The following TOPBP1 variants were observed in gnomAD, a reference collection of about 807,000 sequenced individuals.
The protein encoded by TOPBP1 is DNA topoisomerase 2-binding protein 1.
TOPBP1 carries 28 observed loss-of-function variants against 167.7 expected under a neutral mutation model. The observed-to-expected ratio is 0.17, with a 90% CI of 0.12 to 0.23. The LOEUF is 0.23. Among genes scored for constraint, TOPBP1 ranks in the 10% least tolerant of loss-of-function variants. TOPBP1 has a pLI of 1.00. For missense variants in TOPBP1, 1,554 were observed against 1,809.6 expected (o/e 0.86, Z 2.56); for synonymous variants, 598 against 611.4 (o/e 0.98, Z 0.32).
Position 133,605,938 on chromosome 3 carries a change from G to A in TOPBP1, c.4425+2597C>T, listed in dbSNP as rs372800716. ...AGGCAAGGCACAGTGGCTCACACCT[G>A]TAATCCCAGTACTTTGGGAGGCCGA... On this transcript the variant is annotated intron_variant, in intron 27 of 27. Coordinates refer to ENST00000260810, the MANE Select transcript of TOPBP1 (RefSeq NM_007027.4). Among the ~76,000 whole-genome samples the A allele has an allele frequency of 1.6e-4, 24 of 152,278 alleles. No individual in the cohort carries two copies. In the East Asian group the frequency reaches 4.6e-3, roughly 29 times the overall value.
At chr3:133,647,294 C>A (rs1241280208) in intron 10 of TOPBP1, among the ~76,000 whole-genome samples, 1 of 152,114 alleles carries the variant, frequency 6.6e-6, no homozygotes, top group Non-Finnish European at 1.5e-5. Context: ...GTCTAAGAAA[C>A]CTCCAGCCAA....
At chr3:133,656,897 C>A in intron 4 of TOPBP1, 40 bp from the exon 5 acceptor site, 1 of 1,451,404 alleles carries the variant, frequency 6.9e-7, no homozygotes, top group Admixed American at 2.5e-5. Flanking sequence ...CTGAAGCAAA[C>A]AATATTGCTT....
intron 7 of TOPBP1, 105 bp downstream of exon 7, chr3:133,653,240 C>T: frequency 8.8e-7 from 1 of 1,135,734 alleles, no homozygotes; most frequent in Non-Finnish European, 1.2e-6. Context: ...GCACAGCAAA[C>T]AAGAAAAAGA....
intron 10 of TOPBP1, among the ~76,000 whole-genome samples, chr3:133,648,577 C>G (rs1936164717): frequency 6.6e-6 from 1 of 152,158 alleles, no homozygotes; most frequent in Non-Finnish European, 1.5e-5. Flanking sequence ...GCGGGTGGAT[C>G]ACCTGAGGTC....
chr3:133,625,377 A>C (rs1485673586), intron 16 of TOPBP1, among the ~76,000 whole-genome samples: 3 of 152,232 alleles, frequency 2.0e-5, no homozygotes, highest in Non-Finnish European at 2.9e-5. Flanking sequence ...CCTTAGGGAC[A>C]CTTAATATTT....
intron 17 of TOPBP1, 131 bp from the exon 18 acceptor site, chr3:133,623,588 G>C: frequency 9.3e-7 from 1 of 1,073,832 alleles, no homozygotes; most frequent in Non-Finnish European, 1.2e-6. Context: ...GGTTTGAAAA[G>C]TAGTTTACAC....
chr3:133,615,074 CTTTT>C (rs397874247), intron 23 of TOPBP1, among the ~76,000 whole-genome samples: 2 of 144,138 alleles, frequency 1.4e-5, no homozygotes, highest in African/African-American at 5.1e-5. Flanking sequence ...TGACATAAAT[CTTTT>C]TTTTTTTTTT....
At position 133,652,420 on chromosome 3, in the gene TOPBP1, A is replaced by C. The variant is rs376606526; in HGVS notation, c.1089+43T>G. 4.4e-6 allele frequency: 7 copies of C among 1,598,460 alleles called. No individual in the cohort carries two copies. In the African/African-American group the frequency reaches 9.4e-5, roughly 21 times the overall value. On this transcript the variant is annotated intron_variant, in intron 8 of 27. Coordinates refer to ENST00000260810, the MANE Select transcript of TOPBP1 (RefSeq NM_007027.4). ...CTTCAAAGTCAGGCTAGGAAATGCT[A>C]ATGTATATCATCTACTGCATGTATT...
At chr3:133,650,435 C>G (rs1258415759) in intron 8 of TOPBP1, among the ~76,000 whole-genome samples, 1 of 151,974 alleles carries the variant, frequency 6.6e-6, no homozygotes, top group Non-Finnish European at 1.5e-5. Context: ...TGCTTACGCT[C>G]TTTAAATCAA....
chr3:133,620,251 G>A lies in TOPBP1; in HGVS notation c.3275C>T (p.Thr1092Ile). ...TSIVKPQGQR[T>I]SLSRSGCNSA... ...GTTACAACCACTTCTTGAAAGGGAA[G>A]TCCTCTGCCCTTGGGGTTTCACTAT... The change falls in exon 20 of 28, where the codon ACT becomes ATT. Residue 1092 changes from threonine to isoleucine, a missense_variant. Coordinates refer to ENST00000260810, the MANE Select transcript of TOPBP1 (RefSeq NM_007027.4). 6.2e-7 allele frequency: 1 copy of A among 1,613,960 alleles called. No individual in the cohort carries two copies. Among genetic ancestry groups the A allele is most frequent in the South Asian group, 1.1e-5 (1 of 91,082 alleles).
At chr3:133,631,197 C>A (rs1935462934) in intron 14 of TOPBP1, among the ~76,000 whole-genome samples, 2 of 152,146 alleles carry the variant, frequency 1.3e-5, no homozygotes, top group Non-Finnish European at 2.9e-5. Flanking sequence ...TCAAGAAAAA[C>A]CCCAAAAGTT....
intron 3 of TOPBP1, 107 bp downstream of exon 3, chr3:133,658,909 C>T: frequency 2.4e-6 from 3 of 1,225,504 alleles, no homozygotes. Context: ...TTCCAATGTA[C>T]TCATAAGTTG....
At chr3:133,654,022 T>A (rs1244298324) in intron 6 of TOPBP1, among the ~76,000 whole-genome samples, 13 of 152,236 alleles carry the variant, frequency 8.5e-5, no homozygotes. Context: ...TACAAAGTAG[T>A]ATTTTAGCTT....
chr3:133,611,220 C>T, intron 24 of TOPBP1, 79 bp from the exon 25 acceptor site: 2 of 1,342,280 alleles, frequency 1.5e-6, no homozygotes, highest in South Asian at 1.8e-5. Flanking sequence ...CTCAAGGAGC[C>T]CAAAGTCTAA....
chr3:133,628,177 G>C, intron 16 of TOPBP1, 185 bp downstream of exon 16: 1 of 598,078 alleles, frequency 1.7e-6, no homozygotes. Flanking sequence ...ATACATATAA[G>C]AGTGAATTGA....
At chr3:133,651,124 G>A (rs1474933762) in intron 8 of TOPBP1, among the ~76,000 whole-genome samples, 1 of 100,024 alleles carries the variant, frequency 1.0e-5, no homozygotes, top group Admixed American at 1.0e-4. Flanking sequence ...CCCACCTTTT[G>A]TAAGTTGGCA....
chr3:133,656,683 G>T lies in TOPBP1; in HGVS notation c.538C>A (p.Gln180Lys). 1 of 1,591,768 alleles carries T rather than the reference G, an allele frequency of 6.3e-7. No homozygotes were observed. Among genetic ancestry groups the T allele is most frequent in the Non-Finnish European group, 8.5e-7 (1 of 1,173,114 alleles). Residue 180 changes from glutamine to lysine, a missense_variant, in exon 5 of 28, where the codon CAA becomes AAA. Gln to Lys is a moderately conservative substitution (Grantham distance 53). Around this residue, in one of 3 missense-constraint regions of TOPBP1, gnomAD observed 1,197 missense variants for 1,351.5 expected, o/e 0.89. Coordinates refer to ENST00000260810, the MANE Select transcript of TOPBP1 (RefSeq NM_007027.4). ...SWIKTLWEKS[Q>K]EKKITRYTDI... ...TAAAAATGTCTTTCTTACTTCTCTT[G>T]TGACTTCTCCCAAAGTGTTTTTATC...
chr3:133,661,384 C>T (rs1233706884), intron 1 of TOPBP1, among the ~76,000 whole-genome samples: 1 of 152,202 alleles, frequency 6.6e-6, no homozygotes, highest in Non-Finnish European at 1.5e-5. Flanking sequence ...GAGGAAGGCC[C>T]TGCTATGAAG....
At chr3:133,656,949 C>T (rs1271187200) in intron 4 of TOPBP1, 92 bp from the exon 5 acceptor site, 6 of 1,149,266 alleles carry the variant, frequency 5.2e-6, no homozygotes, top group Admixed American at 3.0e-5. Flanking sequence ...TTGCTGTTGA[C>T]AGTTTGAATA....
Sources: allele counts gnomAD v4.1 joint callset (sites outside exome capture counted in the v4.1 genomes callset), GRCh38; gene constraint gnomAD v4.1.1; regional missense constraint gnomAD v4.1.1; transcripts MANE v1.5; gene names NCBI Gene and HGNC (gene_info 2026-07-23, HGNC 2026-07-21).